Variants in SHTN1 observed in about 807,000 individuals in gnomAD.
SHTN1 encodes shootin-1.
SHTN1 carries 42 observed loss-of-function variants against 83.1 expected under a neutral mutation model. The observed-to-expected ratio is 0.51, with a 90% CI of 0.39 to 0.65. The LOEUF is 0.65. Among genes scored for constraint, SHTN1 ranks in the 30% least tolerant of loss-of-function variants. SHTN1 has a pLI of 0.00. For missense variants in SHTN1, 622 were observed against 737.8 expected (o/e 0.84, Z 1.82); for synonymous variants, 224 against 247.7 (o/e 0.90, Z 0.90).
chr10:116,987,888 C>A (rs1448888100), intron 1 of SHTN1, among the ~76,000 whole-genome samples: 1 of 150,498 alleles, frequency 6.6e-6, no homozygotes, highest in Non-Finnish European at 1.5e-5. Context: ...GCACTCCAAT[C>A]TGGTAACAGC....
chr10:117,071,936 CAGTAATT>C (rs1853086807), intron 1 of SHTN1, among the ~76,000 whole-genome samples: 1 of 152,158 alleles, frequency 6.6e-6, no homozygotes, highest in African/African-American at 2.4e-5. Context: ...TTGTGAAAGA[CAGTAATT>C]TGTTAGCTCA....
intron 14 of SHTN1, 69 bp from the exon 15 acceptor site, chr10:116,906,816 T>G: frequency 7.9e-7 from 1 of 1,273,746 alleles, no homozygotes; most frequent in Non-Finnish European, 1.1e-6. Context: ...AATATAAAAA[T>G]CAAACCATGA....
At chr10:116,920,356 C>T (rs1398455660) in intron 12 of SHTN1, among the ~76,000 whole-genome samples, 1 of 152,166 alleles carries the variant, frequency 6.6e-6, no homozygotes, top group African/African-American at 2.4e-5. Context: ...CATTTGCTGG[C>T]TCTGCTCAAT....
Position 116,927,779 on chromosome 10 carries a change from TG to T in SHTN1, c.1112+12del. 1 of 1,549,786 alleles carries T rather than the reference TG, an allele frequency of 6.5e-7. No individual in the cohort carries two copies. Among genetic ancestry groups the T allele is most frequent in the Non-Finnish European group, 8.7e-7 (1 of 1,151,058 alleles). Reference sequence around the variant, plus strand: ...AACATTTGATGCAGAGCAGTCTTCCTGGATGTGCTTACCGGATAGGATTGGG... The same window carrying T: ...AACATTTGATGCAGAGCAGTCTTCCTGATGTGCTTACCGGATAGGATTGGG... On this transcript the variant is annotated intron_variant, in intron 11 of 16. Coordinates refer to ENST00000355371, the MANE Select transcript of SHTN1 (RefSeq NM_001127211.3).
At chr10:117,070,527 T>C (rs1853065012) in intron 1 of SHTN1, among the ~76,000 whole-genome samples, 1 of 151,996 alleles carries the variant, frequency 6.6e-6, no homozygotes, top group African/African-American at 2.4e-5. Context: ...TTTTAGTCAT[T>C]CTGGTCTATT....
At position 116,887,614 on chromosome 10, in the gene SHTN1, C is replaced by A. The variant is rs528854999; in HGVS notation, c.1674-1048G>T. Among the ~76,000 whole-genome samples the A allele has an allele frequency of 2.6e-5, 4 of 152,266 alleles. No homozygotes were observed. The South Asian group carries it at 8.3e-4, about 32-fold the overall frequency. Reference sequence around the variant, plus strand: ...TTCTACTATTCTCTGACCCCTTCAGCAGGTCAGAGCTGGCAGGAGACACTC... The same window carrying A: ...TTCTACTATTCTCTGACCCCTTCAGAAGGTCAGAGCTGGCAGGAGACACTC... On this transcript the variant is annotated intron_variant, in intron 16 of 16. Coordinates refer to ENST00000355371, the MANE Select transcript of SHTN1 (RefSeq NM_001127211.3).
Position 117,004,877 on chromosome 10 carries a change from C to T in SHTN1, c.58+145G>A, listed in dbSNP as rs555387397. 541 of 649,300 alleles carry T rather than the reference C, an allele frequency of 8.3e-4. 6 individuals are homozygous for T. The South Asian group carries it at 0.012, about 14-fold the overall frequency. 40.2% of individuals were successfully genotyped at this position (649,300 alleles called of 1,614,324 possible). A position where few individuals can be genotyped will look rare whatever the true frequency, so the allele number is the denominator to read the frequency against. The stretch of plus-strand genomic sequence containing the variant: ...GGCGCGCCGGCCACGGAGGACGCTT[C>T]TCTGCGGGTGACGGAGCTACTGCGG... On this transcript the variant is annotated intron_variant, in intron 1 of 16. Coordinates refer to ENST00000355371, the MANE Select transcript of SHTN1 (RefSeq NM_001127211.3).
intron 1 of SHTN1, among the ~76,000 whole-genome samples, chr10:116,992,871 C>A (rs1212158474): frequency 6.6e-6 from 1 of 152,042 alleles, no homozygotes; most frequent in Non-Finnish European, 1.5e-5. Context: ...TTTGTTCTCT[C>A]TATTGGATCC....
intron 7 of SHTN1, among the ~76,000 whole-genome samples, chr10:116,946,966 C>G (rs889765405): frequency 5.9e-5 from 9 of 151,842 alleles, no homozygotes; most frequent in African/African-American, 1.9e-4. Context: ...AGTAATCCGC[C>G]CACCTCAGCC....
At chr10:116,893,190 G>A (rs924372948) in intron 16 of SHTN1, among the ~76,000 whole-genome samples, 12 of 152,108 alleles carry the variant, frequency 7.9e-5, no homozygotes, top group South Asian at 2.1e-4. Flanking sequence ...CCTGACAGGC[G>A]GATCTTTCGG....
At chr10:117,106,681 G>A (rs567229356) in intron 1 of SHTN1, among the ~76,000 whole-genome samples, 36 of 152,190 alleles carry the variant, frequency 2.4e-4, no homozygotes, top group South Asian at 4.2e-4. Flanking sequence ...AGCCAAACTC[G>A]AACAAGCTCC....
intron 12 of SHTN1, 123 bp downstream of exon 12, chr10:116,921,311 G>T: frequency 1.6e-6 from 1 of 643,486 alleles, no homozygotes; most frequent in Non-Finnish European, 2.7e-6. Context: ...CATTCTTACA[G>T]CTGTTCAGTG....
intron 9 of SHTN1, among the ~76,000 whole-genome samples, chr10:116,936,944 G>C (rs1849189542): frequency 6.6e-6 from 1 of 151,706 alleles, no homozygotes; most frequent in Admixed American, 6.6e-5. Context: ...TTTCATCTTT[G>C]TTGGTTTTAA....
chr10:116,976,391 A>C (rs1850808973), intron 2 of SHTN1, among the ~76,000 whole-genome samples: 1 of 152,204 alleles, frequency 6.6e-6, no homozygotes, highest in African/African-American at 2.4e-5. Context: ...CTGGGGACAA[A>C]GATAGTAGAC....
chr10:117,107,237 G>C (rs924711254), intron 1 of SHTN1, among the ~76,000 whole-genome samples: 2 of 152,084 alleles, frequency 1.3e-5, no homozygotes, highest in African/African-American at 4.8e-5. Flanking sequence ...TTATTTTATA[G>C]ATGAGGAAAC....
intron 16 of SHTN1, among the ~76,000 whole-genome samples, chr10:116,891,789 C>T (rs1434062437): frequency 2.0e-5 from 3 of 152,006 alleles, no homozygotes; most frequent in South Asian, 2.1e-4. Flanking sequence ...AAGTTTCAAA[C>T]CTAAGGTGAA....
At chr10:116,886,593 A>C in intron 16 of SHTN1, 27 bp from the exon 17 acceptor site, 1 of 1,610,652 alleles carries the variant, frequency 6.2e-7, no homozygotes. Flanking sequence ...TAGACAAAAA[A>C]AGTAAAAAGC....
At chr10:116,930,192 TA>T in intron 9 of SHTN1, among the ~76,000 whole-genome samples, 190 bp from the exon 10 acceptor site, 1 of 152,186 alleles carries the variant, frequency 6.6e-6, no homozygotes, top group East Asian at 1.9e-4. Context: ...AGAGCTGATT[TA>T]AAATAAATTT....
chr10:117,009,826 C>T (rs2133554943), upstream of SHTN1, among the ~76,000 whole-genome samples: 1 of 151,966 alleles, frequency 6.6e-6, no homozygotes, highest in South Asian at 2.1e-4. Context: ...TGGCATGAAC[C>T]CGGAAGGCGG....
Sources: gnomAD v4.1 joint callset for allele counts (sites outside exome capture counted in the v4.1 genomes callset) on GRCh38, gnomAD v4.1.1 for gene constraint, MANE v1.5 for transcripts, NCBI Gene and HGNC (gene_info 2026-07-23, HGNC 2026-07-21) for gene names.